Variants in CSMD1 observed in about 807,000 individuals in gnomAD.
CSMD1 encodes CUB and sushi domain-containing protein 1.
Under a neutral mutation model 417.5 loss-of-function variants are expected in CSMD1, and 213 were observed. That is an observed-to-expected ratio of 0.51 (90% CI 0.46 to 0.57). The LOEUF (loss-of-function observed/expected upper bound fraction) is 0.57, where lower values mean the gene tolerates loss of function less well. CSMD1 is among the 20% of genes least tolerant of loss of function. The pLI, the probability that CSMD1 is intolerant of heterozygous loss-of-function variation, is 0.00. For missense variants in CSMD1, 6,923 were observed against 4,529.7 expected (o/e 1.53, Z -15.17); for synonymous variants, 2,862 against 1,736.8 (o/e 1.65, Z -16.11).
intron 1 of CSMD1, among the ~76,000 whole-genome samples, chr8:4,820,896 T>G (rs1052178158): frequency 3.9e-5 from 6 of 152,228 alleles, no homozygotes; most frequent in Non-Finnish European, 8.8e-5. Flanking sequence ...TTTGAGATTT[T>G]TCTCTTAACT....
chr8:3,658,887 T>A (rs565653218), intron 7 of CSMD1, among the ~76,000 whole-genome samples: 5 of 152,240 alleles, frequency 3.3e-5, no homozygotes, highest in Non-Finnish European at 7.3e-5. Flanking sequence ...GAATGCCTTC[T>A]GTTTTGCCAT....
intron 2 of CSMD1, among the ~76,000 whole-genome samples, chr8:4,612,018 C>G (rs770417425): frequency 6.6e-6 from 1 of 152,204 alleles, no homozygotes; most frequent in South Asian, 2.1e-4. Flanking sequence ...TTTTAACCAT[C>G]TAATTGGAAT....
At chr8:4,893,785 T>C (rs1804287867) in intron 1 of CSMD1, among the ~76,000 whole-genome samples, 1 of 152,160 alleles carries the variant, frequency 6.6e-6, no homozygotes, top group Non-Finnish European at 1.5e-5. Flanking sequence ...CAATGTCACA[T>C]TGTTCAGATT....
intron 6 of CSMD1, among the ~76,000 whole-genome samples, chr8:3,721,942 A>G (rs1802200271): frequency 3.9e-5 from 6 of 152,102 alleles, no homozygotes; most frequent in Admixed American, 3.9e-4. Flanking sequence ...CCACAGGTGC[A>G]CCCAAGGCCG....
intron 3 of CSMD1, among the ~76,000 whole-genome samples, chr8:4,294,625 A>C (rs1456739296): frequency 6.6e-6 from 1 of 152,144 alleles, no homozygotes; most frequent in Non-Finnish European, 1.5e-5. Flanking sequence ...AACATTCCAG[A>C]ACAACTTGAT....
chr8:4,874,540 C>T (rs1802928214), intron 1 of CSMD1, among the ~76,000 whole-genome samples: 2 of 151,652 alleles, frequency 1.3e-5, no homozygotes, highest in Non-Finnish European at 2.9e-5. Flanking sequence ...CGGGTGCCTG[C>T]CACCTCTCCC....
At chr8:3,853,664 C>T (rs919048579) in intron 5 of CSMD1, among the ~76,000 whole-genome samples, 5 of 151,928 alleles carry the variant, frequency 3.3e-5, no homozygotes, top group African/African-American at 9.7e-5. Flanking sequence ...ACCATCTTCC[C>T]TAGTGTAGAA....
chr8:3,976,070 T>C (rs1256054817), intron 5 of CSMD1, among the ~76,000 whole-genome samples: 1 of 151,942 alleles, frequency 6.6e-6, no homozygotes, highest in Non-Finnish European at 1.5e-5. Context: ...ATATGTTAAA[T>C]TTTTTTGGGG....
intron 5 of CSMD1, among the ~76,000 whole-genome samples, chr8:3,989,858 G>A (rs1351661111): frequency 2.0e-5 from 3 of 152,150 alleles, no homozygotes; most frequent in Non-Finnish European, 4.4e-5. Context: ...GAGGAGTATA[G>A]GATTGCACAA....
intron 1 of CSMD1, among the ~76,000 whole-genome samples, chr8:4,887,448 A>G (rs1247623740): frequency 1.3e-5 from 2 of 152,000 alleles, no homozygotes; most frequent in South Asian, 2.1e-4. Context: ...GATTTTTTTC[A>G]CTTGGCTACT....
intron 7 of CSMD1, among the ~76,000 whole-genome samples, chr8:3,642,862 G>T (rs2449195): frequency 0.18 from 27,949 of 151,450 alleles, 3,559 homozygotes; most frequent in African/African-American, 0.36. Flanking sequence ...TCTATATATA[G>T]ATTATACATA....
At position 3,369,313 on chromosome 8, in the gene CSMD1, G is replaced by A. The variant is rs373170165; in HGVS notation, c.2840C>T (p.Pro947Leu). Residue 947 changes from proline to leucine, a missense_variant, in exon 19 of 70, where the codon CCA becomes CTA. Transcript: ENST00000635120. ...GTTTAGAGAGTTTGGATAAAAATCT[G>A]GAAACCCAGGAGAAAGGACTGTTCC... ...KSGTVLSPGF[P>L]DFYPNSLNCT... The A allele has an allele frequency of 1.9e-6, 3 of 1,608,334 alleles. No individual in the cohort carries two copies. The highest frequency in any genetic ancestry group is 1.3e-5 in the African/African-American group (1 of 74,728).
chr8:4,621,293 T>C (rs1420198830), intron 2 of CSMD1, among the ~76,000 whole-genome samples: 1 of 152,072 alleles, frequency 6.6e-6, no homozygotes, highest in Non-Finnish European at 1.5e-5. Context: ...TTTTAAAGTA[T>C]ATATGCAACT....
chr8:4,822,790 T>C (rs191842916), intron 1 of CSMD1, among the ~76,000 whole-genome samples: 1 of 152,242 alleles, frequency 6.6e-6, no homozygotes, highest in Admixed American at 6.5e-5. Context: ...ATCAAATCTT[T>C]TTAGAAAATA....
At chr8:3,149,292 C>G (rs1030079050) in intron 40 of CSMD1, among the ~76,000 whole-genome samples, 6 of 151,992 alleles carry the variant, frequency 3.9e-5, no homozygotes, top group Admixed American at 2.6e-4. Flanking sequence ...AATATTTATA[C>G]CAATTTTATT....
intron 7 of CSMD1, among the ~76,000 whole-genome samples, chr8:3,625,990 A>G (rs916635387): frequency 6.6e-6 from 1 of 152,220 alleles, no homozygotes; most frequent in Non-Finnish European, 1.5e-5. Flanking sequence ...TACACATAAA[A>G]TAAAAAATAG....
intron 3 of CSMD1, among the ~76,000 whole-genome samples, chr8:4,179,216 G>C (rs567521584): frequency 4.6e-5 from 7 of 152,118 alleles, no homozygotes; most frequent in African/African-American, 7.2e-5. Context: ...CATGGTACTG[G>C]TACCAAAACA....
At chr8:3,062,542 C>T (rs999844912) in intron 49 of CSMD1, among the ~76,000 whole-genome samples, 1 of 135,998 alleles carries the variant, frequency 7.4e-6, no homozygotes, top group African/African-American at 2.8e-5. Flanking sequence ...AAAACAACAA[C>T]AAAACAAAAC....
At chr8:3,817,509 G>A (rs760881333) in intron 5 of CSMD1, among the ~76,000 whole-genome samples, 1 of 151,772 alleles carries the variant, frequency 6.6e-6, no homozygotes, top group African/African-American at 2.4e-5. Flanking sequence ...TCAATCTCCT[G>A]ACCTTGTGAT....
Sources: allele counts gnomAD v4.1 joint callset (sites outside exome capture counted in the v4.1 genomes callset), GRCh38; gene constraint gnomAD v4.1.1; transcripts MANE v1.5; gene names NCBI Gene and HGNC (gene_info 2026-07-23, HGNC 2026-07-21).